PODXL: variants seen among roughly 807,000 people sequenced by gnomAD.
PODXL encodes the protein podocalyxin.
Under a neutral mutation model 48.9 loss-of-function variants are expected in PODXL, and 20 were observed. That is an observed-to-expected ratio of 0.41 (90% CI 0.29 to 0.59). The LOEUF is 0.59. PODXL is among the 20% of genes least tolerant of loss of function. The pLI is 0.31. For missense variants in PODXL, 606 were observed against 675.1 expected (o/e 0.90, Z 1.13); for synonymous variants, 295 against 287.4 (o/e 1.03, Z -0.27).
chr7:131,524,643 A>G (rs1798152341), intron 1 of PODXL, among the ~76,000 whole-genome samples: 1 of 152,196 alleles, frequency 6.6e-6, no homozygotes, highest in South Asian at 2.1e-4. Flanking sequence ...TCTCTCATAC[A>G]TTGCTGGTCA....
Position 131,506,586 on chromosome 7 carries a change from A to G in PODXL, c.1242T>C (p.Thr414=). The G allele has an allele frequency of 6.2e-7, 1 of 1,613,988 alleles. No homozygotes were observed. The highest frequency in any genetic ancestry group is 1.3e-5 in the African/African-American group (1 of 75,006). Residue 414 remains threonine (T), a synonymous_variant, in exon 6 of 9, where the codon ACT becomes ACC. Transcript: ENST00000378555. ...GSQTVVVKEI[T]IHTKLPAKDV... ...CCCTTGCCCTCCACTCACTGTGAATAGTGATTTCTTTGACGACCACGGTCT... is the reference window on the plus strand; with the variant it reads ...CCCTTGCCCTCCACTCACTGTGAATGGTGATTTCTTTGACGACCACGGTCT...
chr7:131,512,842 G>C (rs965866968), intron 1 of PODXL, among the ~76,000 whole-genome samples: 7 of 151,842 alleles, frequency 4.6e-5, no homozygotes, highest in Non-Finnish European at 7.4e-5. Context: ...TAAGCTGGGC[G>C]TGGTGATGGT....
At chr7:131,528,331 A>C (rs1798220008) in intron 1 of PODXL, among the ~76,000 whole-genome samples, 1 of 152,194 alleles carries the variant, frequency 6.6e-6, no homozygotes, top group Admixed American at 6.5e-5. Flanking sequence ...AGCTATAGTG[A>C]TATAGATAGA....
chr7:131,555,537 G>A (rs1374049467), intron 1 of PODXL, among the ~76,000 whole-genome samples: 1 of 151,998 alleles, frequency 6.6e-6, no homozygotes, highest in Non-Finnish European at 1.5e-5. Context: ...AGAAGTTCCC[G>A]TTTGAACAAG....
chr7:131,523,159 T>A (rs77953101), intron 1 of PODXL, among the ~76,000 whole-genome samples: 1 of 152,218 alleles, frequency 6.6e-6, no homozygotes, highest in Non-Finnish European at 1.5e-5. Flanking sequence ...AATTTTTTTG[T>A]GAATCCAATT....
rs890355972 is a variant in PODXL, at chr7:131,506,009, C to G, written c.1338G>C (p.Gly446=). The G allele has an allele frequency of 6.2e-7, 1 of 1,612,702 alleles. No homozygotes were observed. The highest frequency in any genetic ancestry group is 8.5e-7 in the Non-Finnish European group (1 of 1,179,502). Residue 446 remains glycine (G), a synonymous_variant, in exon 8 of 9, where the codon GGG becomes GGC. Coordinates refer to ENST00000378555, the MANE Select transcript of PODXL (RefSeq NM_001018111.3). ...CGGCCTCCTCCGGTGGCCCCTGGTC[C>G]CCTAGCTTCATGTCACTGACCCCTG... ...KEAGVSDMKL[G]DQGPPEEAED...
chr7:131,512,432 G>A (rs574989074), intron 1 of PODXL, among the ~76,000 whole-genome samples: 12 of 152,164 alleles, frequency 7.9e-5, no homozygotes, highest in Non-Finnish European at 1.5e-4. Context: ...GCATCTCTGC[G>A]ATGATGGTTA....
chr7:131,506,018 C>T lies in PODXL; in HGVS notation c.1329G>A (p.Met443Ile), dbSNP rs1404191126. Residue 443 changes from methionine (M) to isoleucine (I), a missense_variant, in exon 8 of 9, where the codon ATG (methionine) becomes ATA (isoleucine). By Grantham distance (10) the Met-to-Ile change is conservative. Coordinates refer to ENST00000378555, the MANE Select transcript of PODXL (RefSeq NM_001018111.3). The stretch of plus-strand genomic sequence containing the variant: ...CCGGTGGCCCCTGGTCCCCTAGCTT[C>T]ATGTCACTGACCCCTGCCTGCATGG... The part of the protein sequence containing the change: ...DELKEAGVSD[M>I]KLGDQGPPEE... 1 of 1,612,432 alleles carries T rather than the reference C, an allele frequency of 6.2e-7. No homozygotes were observed. Among genetic ancestry groups the T allele is most frequent in the Non-Finnish European group, 8.5e-7 (1 of 1,179,328 alleles).
At chr7:131,554,232 A>G (rs1798709955) in intron 1 of PODXL, among the ~76,000 whole-genome samples, 1 of 152,120 alleles carries the variant, frequency 6.6e-6, no homozygotes, top group African/African-American at 2.4e-5. Context: ...AATGCACCAT[A>G]GCTACTGAAC....
chr7:131,510,897 A>G lies in PODXL; in HGVS notation c.637T>C (p.Ser213Pro). Residue 213 changes from serine to proline, a missense_variant, in exon 2 of 9, where the codon TCA (serine) becomes CCA (proline). Physicochemically the swap from Ser to Pro is moderately conservative, Grantham distance 74 (BLOSUM62 -1). Coordinates refer to ENST00000378555, the MANE Select transcript of PODXL (RefSeq NM_001018111.3). ...SSGHDHLMKI[S>P]SSSSTVAIPG... Reference sequence around the variant, plus strand: ...ATAGCCACAGTGCTTGAACTGCTTGAAATTTTCATAAGATGGTCATGTCCC... The same window carrying G: ...ATAGCCACAGTGCTTGAACTGCTTGGAATTTTCATAAGATGGTCATGTCCC... 1 of 1,614,086 alleles carries G rather than the reference A, an allele frequency of 6.2e-7. No individual in the cohort carries two copies. The highest frequency in any genetic ancestry group is 1.3e-5 in the African/African-American group (1 of 75,002).
rs768930146 is a variant in PODXL at position 131,509,456 on chromosome 7, G to T, written c.932C>A (p.Pro311Gln). ...PATALRTPTL[P>Q]ETMSSSPTAA... ...TGTGGGGCTGGAGCTCATGGTCTCT[G>T]GCAGGGTAGGTGTTCTCAATGCCGT... Residue 311 changes from proline to glutamine, a missense_variant, in exon 4 of 9, where the codon CCA becomes CAA. Coordinates refer to ENST00000378555, the MANE Select transcript of PODXL (RefSeq NM_001018111.3). The T allele has an allele frequency of 5.0e-6, 8 of 1,614,100 alleles. No homozygotes were observed. Among genetic ancestry groups the T allele is most frequent in the Non-Finnish European group, 4.2e-6 (5 of 1,180,012 alleles).
In PODXL at chr7:131,508,973, T is replaced by A. The variant is rs960596154; in HGVS notation, c.1079A>T (p.Asn360Ile). Residue 360 changes from asparagine (N) to isoleucine (I), a missense_variant, in exon 5 of 9, where the codon AAC (asparagine) becomes ATC (isoleucine). Coordinates refer to ENST00000378555, the MANE Select transcript of PODXL (RefSeq NM_001018111.3). ...QTQSEKQLVL[N>I]LTGNTLCAGG... ...CACACAGAGGGTGTTTCCTGTGAGG[T>A]TCAGGACGAGCTGCTTCTCACTCTG... The A allele has an allele frequency of 1.9e-6, 3 of 1,613,868 alleles. No homozygotes were observed. In the East Asian group the frequency reaches 6.7e-5, roughly 36 times the overall value.
In PODXL at chr7:131,547,602, G is replaced by C. The variant is rs192583383; in HGVS notation, c.100+8658C>G. 1.4e-3 allele frequency among the ~76,000 whole-genome samples: 211 copies of C among 152,298 alleles called. 1 individual carries two copies. The highest frequency in any genetic ancestry group is 4.6e-3 in the African/African-American group (193 of 41,560). On this transcript the variant is annotated intron_variant, in intron 1 of 8. Coordinates refer to ENST00000378555, the MANE Select transcript of PODXL (RefSeq NM_001018111.3). The stretch of plus-strand genomic sequence containing the variant: ...AACTGCAGAGTCTAGGGCATCAGCA[G>C]AGATTTCCATTTTTCTTCTCTTCAC...
chr7:131,548,154 G>A (rs530762719), intron 1 of PODXL, among the ~76,000 whole-genome samples: 3 of 152,392 alleles, frequency 2.0e-5, no homozygotes, highest in African/African-American at 7.2e-5. Context: ...GGAGGACTAA[G>A]TGGGACCAGG....
intron 1 of PODXL, among the ~76,000 whole-genome samples, chr7:131,519,124 A>G (rs1024575378): frequency 1.3e-5 from 2 of 152,202 alleles, no homozygotes; most frequent in African/African-American, 4.8e-5. Flanking sequence ...ACAAAAGACC[A>G]GGAAATGTAT....
intron 1 of PODXL, among the ~76,000 whole-genome samples, chr7:131,536,035 G>A (rs1798369018): frequency 6.6e-6 from 1 of 152,180 alleles, no homozygotes; most frequent in Non-Finnish European, 1.5e-5. Flanking sequence ...TGGGATTATA[G>A]GCATGAGCCA....
chr7:131,541,442 C>T lies in PODXL; in HGVS notation c.100+14818G>A, dbSNP rs534658093. Among the ~76,000 whole-genome samples the T allele has an allele frequency of 2.6e-5, 4 of 152,150 alleles. No homozygotes were observed. The East Asian group carries it at 7.7e-4, about 29-fold the overall frequency. On this transcript the variant is annotated intron_variant, in intron 1 of 8. Coordinates refer to ENST00000378555, the MANE Select transcript of PODXL (RefSeq NM_001018111.3). ...GTGGCTCACACCTGTAATCCCAGCACTTTGGGAGGCCGAGGCGGGTGGATC... is the reference window on the plus strand; with the variant it reads ...GTGGCTCACACCTGTAATCCCAGCATTTTGGGAGGCCGAGGCGGGTGGATC...
intron 1 of PODXL, among the ~76,000 whole-genome samples, chr7:131,517,193 G>A (rs886753760): frequency 3.3e-5 from 5 of 152,130 alleles, no homozygotes; most frequent in East Asian, 1.9e-4. Flanking sequence ...CAGTGGGGAC[G>A]GACACCAGGT....
At chr7:131,507,937 A>G (rs950217344) in intron 5 of PODXL, among the ~76,000 whole-genome samples, 5 of 152,262 alleles carry the variant, frequency 3.3e-5, no homozygotes, top group South Asian at 4.1e-4. Flanking sequence ...AGGCAGCATT[A>G]AAGTGTTGTA....
Sources: allele counts gnomAD v4.1 joint callset (sites outside exome capture counted in the v4.1 genomes callset), GRCh38; gene constraint gnomAD v4.1.1; transcripts MANE v1.5; gene names NCBI Gene and HGNC (gene_info 2026-07-23, HGNC 2026-07-21).